PLXNA2: variants seen among roughly 807,000 people sequenced by gnomAD.
PLXNA2 encodes plexin A2, also known as plexin-A2.
In PLXNA2, 91 loss-of-function variants were observed where a neutral mutation model predicts 193.5. That is an observed-to-expected ratio of 0.47 (90% CI 0.40 to 0.56). The LOEUF is 0.56. Among genes scored for constraint, PLXNA2 ranks in the 20% least tolerant of loss-of-function variants. The probability of loss-of-function intolerance (pLI) is 0.00; values close to 1 mark genes in which losing one functional copy is unlikely to be tolerated. For missense variants in PLXNA2, 1,995 were observed against 2,503.2 expected (o/e 0.80, Z 4.33); for synonymous variants, 997 against 1,027.3 (o/e 0.97, Z 0.56).
At chr1:208,176,994 G>A (rs969356117) in intron 3 of PLXNA2, among the ~76,000 whole-genome samples, 1 of 143,196 alleles carries the variant, frequency 7.0e-6, no homozygotes, top group Non-Finnish European at 1.5e-5. Context: ...ATGGCCTTTT[G>A]CCTCTTTCAC....
intron 3 of PLXNA2, among the ~76,000 whole-genome samples, chr1:208,184,052 G>A (rs144998974): frequency 0.018 from 2,763 of 152,284 alleles, 81 homozygotes; most frequent in African/African-American, 0.059. Context: ...AGATATAAAA[G>A]TTTTTTCTCA....
intron 17 of PLXNA2, among the ~76,000 whole-genome samples, chr1:208,048,939 C>T (rs12410898): frequency 6.6e-6 from 1 of 152,174 alleles, no homozygotes; most frequent in African/African-American, 2.4e-5. Context: ...CCAATCCAGA[C>T]CCCACAGCTC....
chr1:208,179,055 C>T (rs1232364341), intron 3 of PLXNA2, among the ~76,000 whole-genome samples: 1 of 152,212 alleles, frequency 6.6e-6, no homozygotes, highest in Non-Finnish European at 1.5e-5. Flanking sequence ...TCCCCACAAG[C>T]ATGACAGCAC....
At chr1:208,198,032 C>A (rs1456131713) in intron 3 of PLXNA2, among the ~76,000 whole-genome samples, 1 of 152,190 alleles carries the variant, frequency 6.6e-6, no homozygotes, top group Non-Finnish European at 1.5e-5. Flanking sequence ...CACGCCACAT[C>A]GGAGTGCTTA....
At chr1:208,086,815 A>G (rs1237980748) in intron 9 of PLXNA2, among the ~76,000 whole-genome samples, 1 of 149,890 alleles carries the variant, frequency 6.7e-6, no homozygotes, top group African/African-American at 2.4e-5. Context: ...AAAGATGAGC[A>G]CCACTTTAGG....
intron 12 of PLXNA2, among the ~76,000 whole-genome samples, chr1:208,073,738 A>G (rs1440562199): frequency 6.6e-6 from 1 of 151,916 alleles, no homozygotes; most frequent in Non-Finnish European, 1.5e-5. Flanking sequence ...TAGAGTGGGC[A>G]CTAATCCAAT....
intron 12 of PLXNA2, among the ~76,000 whole-genome samples, chr1:208,065,245 G>A (rs1483250702): frequency 6.6e-6 from 1 of 152,190 alleles, no homozygotes; most frequent in Non-Finnish European, 1.5e-5. Flanking sequence ...GTTTCAGATA[G>A]CTCTATGCTG....
intron 3 of PLXNA2, among the ~76,000 whole-genome samples, chr1:208,161,705 G>C (rs1016054918): frequency 2.0e-5 from 3 of 151,932 alleles, no homozygotes; most frequent in African/African-American, 7.3e-5. Context: ...TTAATTTCAG[G>C]GTGCTTTGGA....
intron 3 of PLXNA2, among the ~76,000 whole-genome samples, chr1:208,164,600 C>A (rs947775217): frequency 1.3e-5 from 2 of 152,186 alleles, no homozygotes; most frequent in African/African-American, 4.8e-5. Context: ...AATAATTTGG[C>A]TCCTTAAAAA....
At chr1:208,055,289 A>T (rs546199829) in intron 13 of PLXNA2, among the ~76,000 whole-genome samples, 1 of 152,268 alleles carries the variant, frequency 6.6e-6, no homozygotes, top group African/African-American at 2.4e-5. Context: ...CTCTCTCTCG[A>T]GCAGCCCAGA....
intron 5 of PLXNA2, among the ~76,000 whole-genome samples, chr1:208,100,769 C>T (rs2478819): frequency 0.59 from 89,575 of 152,142 alleles, 26,769 homozygotes; most frequent in East Asian, 0.67. Flanking sequence ...GCTTGTTTGG[C>T]TGTTTCTCCC....
At chr1:208,084,118 T>G (rs1053378997) in intron 10 of PLXNA2, among the ~76,000 whole-genome samples, 1 of 152,184 alleles carries the variant, frequency 6.6e-6, no homozygotes, top group Non-Finnish European at 1.5e-5. Context: ...AATTTAAAAT[T>G]TAAAAAATCA....
intron 13 of PLXNA2, 142 bp from the exon 14 acceptor site, chr1:208,054,680 T>G: frequency 1.5e-6 from 1 of 658,846 alleles, no homozygotes; most frequent in South Asian, 1.8e-5. Context: ...TCCATCTTGC[T>G]GTGTGACCTT....
intron 12 of PLXNA2, among the ~76,000 whole-genome samples, chr1:208,075,702 T>G (rs1288933587): frequency 6.6e-6 from 1 of 152,192 alleles, no homozygotes. Context: ...CCGTAATTAC[T>G]TCTACATTTT....
chr1:208,198,760 A>G (rs1670442238), intron 3 of PLXNA2, among the ~76,000 whole-genome samples: 1 of 152,158 alleles, frequency 6.6e-6, no homozygotes, highest in African/African-American at 2.4e-5. Flanking sequence ...CTACACGTGG[A>G]CATATGGAAG....
chr1:208,147,819 TC>T (rs1446719617), intron 3 of PLXNA2, among the ~76,000 whole-genome samples: 1 of 151,756 alleles, frequency 6.6e-6, no homozygotes, highest in Non-Finnish European at 1.5e-5. Context: ...AGTCCAAATT[TC>T]CCCCTCATCC....
Position 208,044,185 on chromosome 1 carries a change from G to C in PLXNA2, c.3874+323C>G, listed in dbSNP as rs1285175607. On this transcript the variant is annotated intron_variant, in intron 20 of 31. Transcript: ENST00000367033. This position sits in a 1 kb window ranked among gnomAD's most constrained non-coding sequence, Gnocchi z 4.9. Reference sequence around the variant, plus strand: ...CTCCCATGGGGGATCTAGAGTCTGGGGCTGTGGAGCCTGGGGACTCTGACT... The same window carrying C: ...CTCCCATGGGGGATCTAGAGTCTGGCGCTGTGGAGCCTGGGGACTCTGACT... Among the ~76,000 whole-genome samples the C allele has an allele frequency of 2.6e-5, 4 of 152,234 alleles. No homozygotes were observed. Among genetic ancestry groups the C allele is most frequent in the Non-Finnish European group, 5.9e-5 (4 of 68,046 alleles).
At chr1:208,151,950 G>A (rs1558217806) in intron 3 of PLXNA2, among the ~76,000 whole-genome samples, 1 of 152,128 alleles carries the variant, frequency 6.6e-6, no homozygotes, top group African/African-American at 2.4e-5. Flanking sequence ...TAAGTCCTGG[G>A]GAACAAAATA....
intron 1 of PLXNA2, among the ~76,000 whole-genome samples, chr1:208,220,308 G>A (rs891969021): frequency 6.6e-6 from 1 of 151,916 alleles, no homozygotes; most frequent in Admixed American, 6.6e-5. Flanking sequence ...TCCCTTTCTG[G>A]TAGAATGGGA....
Sources: gnomAD v4.1 joint callset for allele counts (sites outside exome capture counted in the v4.1 genomes callset) on GRCh38, gnomAD v4.1.1 for gene constraint, Gnocchi (gnomAD v3.1) non-coding constraint, MANE v1.5 for transcripts, NCBI Gene and HGNC (gene_info 2026-07-23, HGNC 2026-07-21) for gene names.